Variants in KLKB1 observed in about 807,000 individuals in gnomAD.
KLKB1 encodes plasma kallikrein.
KLKB1 carries 58 observed loss-of-function variants against 73.6 expected under a neutral mutation model. That is an observed-to-expected ratio of 0.79 (90% CI 0.64 to 0.98). The LOEUF (loss-of-function observed/expected upper bound fraction) is 0.98, where lower values mean the gene tolerates loss of function less well. KLKB1 is among the 50% of genes least tolerant of loss of function. The pLI, the probability that KLKB1 is intolerant of heterozygous loss-of-function variation, is 0.00. For missense variants in KLKB1, 737 were observed against 763.8 expected, an observed-to-expected ratio of 0.96 and a Z score of 0.41; for synonymous variants, 280 against 258.1, an observed-to-expected ratio of 1.08 and a Z score of -0.81.
chr4:186,233,918 T>G (rs1737530200), intron 3 of KLKB1, 34 bp from the exon 4 acceptor site: 2 of 1,427,392 alleles, frequency 1.4e-6, no homozygotes, highest in Admixed American at 3.3e-5. Flanking sequence ...ATGTTTATTA[T>G]TCTACTTCCT....
chr4:186,231,593 G>C (rs1408264162), intron 2 of KLKB1, among the ~76,000 whole-genome samples: 1 of 152,236 alleles, frequency 6.6e-6, no homozygotes, highest in Non-Finnish European at 1.5e-5. Flanking sequence ...AGTCAGGGCT[G>C]GGTGACCGTC....
intron 2 of KLKB1, among the ~76,000 whole-genome samples, chr4:186,229,802 T>C (rs900958706): frequency 1.3e-5 from 2 of 152,248 alleles, no homozygotes; most frequent in Non-Finnish European, 2.9e-5. Flanking sequence ...CTCTCAGTTT[T>C]GGTCCATGTG....
chr4:186,221,707 A>G (rs1331164410), upstream of KLKB1, among the ~76,000 whole-genome samples: 1 of 152,156 alleles, frequency 6.6e-6, no homozygotes, highest in Non-Finnish European at 1.5e-5. Flanking sequence ...CCATGGCCTA[A>G]CATATAACCT....
intron 2 of KLKB1, among the ~76,000 whole-genome samples, chr4:186,214,153 C>T (rs1320200128): frequency 6.6e-6 from 1 of 152,172 alleles, no homozygotes; most frequent in African/African-American, 2.4e-5. Flanking sequence ...AACTCAAGAT[C>T]AATCAGCAAT....
chr4:186,231,080 A>AG (rs759115788), intron 2 of KLKB1, among the ~76,000 whole-genome samples: 1 of 152,182 alleles, frequency 6.6e-6, no homozygotes, highest in Non-Finnish European at 1.5e-5. Flanking sequence ...CCAAATCCCC[A>AG]GGGGGTAGGA....
At chr4:186,250,565 G>C in intron 7 of KLKB1, 163 bp downstream of exon 7, 3 of 765,970 alleles carry the variant, frequency 3.9e-6, no homozygotes, top group Non-Finnish European at 6.8e-6. Flanking sequence ...GCCAGGTGCA[G>C]ATTAGTTAAG....
intron 2 of KLKB1, among the ~76,000 whole-genome samples, chr4:186,214,267 C>T (rs917926104): frequency 6.6e-6 from 1 of 152,222 alleles, no homozygotes; most frequent in Non-Finnish European, 1.5e-5. Flanking sequence ...TGCTGAGGCT[C>T]ACTGCATGTC....
chr4:186,219,390 A>G (rs1005609410), intron 2 of KLKB1, among the ~76,000 whole-genome samples: 3 of 152,242 alleles, frequency 2.0e-5, no homozygotes, highest in East Asian at 1.9e-4. Flanking sequence ...TAGGTAATAC[A>G]TAATACAGCT....
chr4:186,257,994 C>CTAT lies in KLKB1; in HGVS notation c.1726-25_1726-23dup, dbSNP rs749366002. The CTAT allele has an allele frequency of 5.0e-6, 8 of 1,607,056 alleles. No individual in the cohort carries two copies. The South Asian group carries it at 7.7e-5, about 15-fold the overall frequency. Reference sequence around the variant, plus strand: ...TGAATCCCATTGTCGTAACTTTCTACTATTTTATTTTTCCACTGTGACTCA... The same window carrying CTAT: ...TGAATCCCATTGTCGTAACTTTCTACTATTATTTTATTTTTCCACTGTGACTCA... On this transcript the variant is annotated intron_variant, in intron 14 of 14. Transcript: ENST00000264690.
At chr4:186,235,283 A>G (rs1175006951) in intron 4 of KLKB1, among the ~76,000 whole-genome samples, 1 of 152,184 alleles carries the variant, frequency 6.6e-6, no homozygotes, top group Non-Finnish European at 1.5e-5. Context: ...TGCCTTTCTC[A>G]ATATTCCTGT....
intron 6 of KLKB1, among the ~76,000 whole-genome samples, chr4:186,245,831 T>TTTTTTTTTTTTA (rs1738315086): frequency 7.3e-6 from 1 of 137,752 alleles, no homozygotes; most frequent in Non-Finnish European, 1.6e-5. Flanking sequence ...TTGGTTTTTT[T>TTTTTTTTTTTTA]TTTTTAATGT....
At chr4:186,254,566 G>A (rs1240195207) in intron 11 of KLKB1, 22 bp from the exon 12 acceptor site, 2 of 1,605,664 alleles carry the variant, frequency 1.2e-6, no homozygotes, top group African/African-American at 2.7e-5. Context: ...GTTTCAAACA[G>A]GTATTTATTT....
chr4:186,223,254 CAG>C (rs1213140101), upstream of KLKB1, among the ~76,000 whole-genome samples: 3 of 152,254 alleles, frequency 2.0e-5, no homozygotes, highest in Admixed American at 2.0e-4. Context: ...TTGGTACTGG[CAG>C]AGTGAGGTAC....
At chr4:186,253,618 C>T (rs1036994708) in intron 11 of KLKB1, among the ~76,000 whole-genome samples, 3 of 138,736 alleles carry the variant, frequency 2.2e-5, no homozygotes, top group Admixed American at 7.5e-5. Context: ...TAAAAAAAGG[C>T]CCCTTTGCAC....
At chr4:186,257,194 TC>T in intron 13 of KLKB1, 31 bp from the exon 14 acceptor site, 1 of 1,294,820 alleles carries the variant, frequency 7.7e-7, no homozygotes, top group Non-Finnish European at 1.1e-6. Context: ...ATTATTAACT[TC>T]CCTCTGAGGT....
chr4:186,214,876 GT>G (rs1418951478), intron 2 of KLKB1, among the ~76,000 whole-genome samples: 2 of 152,208 alleles, frequency 1.3e-5, no homozygotes, highest in Non-Finnish European at 2.9e-5. Context: ...GCATTTAGCT[GT>G]TGATCTTGTT....
At chr4:186,223,912 C>G (rs1215487933), upstream of KLKB1, among the ~76,000 whole-genome samples, 1 of 152,230 alleles carries the variant, frequency 6.6e-6, no homozygotes, top group Non-Finnish European at 1.5e-5. Flanking sequence ...CCATTACAAG[C>G]CCAGAGGCCT....
At chr4:186,251,351 T>A in intron 8 of KLKB1, 23 bp downstream of exon 8, 1 of 1,533,958 alleles carries the variant, frequency 6.5e-7, no homozygotes, top group Non-Finnish European at 9.0e-7. Context: ...GATAATAATA[T>A]TACATAAAAT....
chr4:186,239,927 T>C (rs1420120309), intron 6 of KLKB1, among the ~76,000 whole-genome samples: 2 of 148,866 alleles, frequency 1.3e-5, no homozygotes, highest in African/African-American at 2.5e-5. Flanking sequence ...TACAGTGATA[T>C]TGTTATAGTT....
Sources: gnomAD v4.1 joint callset for allele counts (sites outside exome capture counted in the v4.1 genomes callset) on GRCh38, gnomAD v4.1.1 for gene constraint, MANE v1.5 for transcripts, NCBI Gene and HGNC (gene_info 2026-07-23, HGNC 2026-07-21) for gene names.